FRMPD4: variants seen among roughly 807,000 people sequenced by gnomAD.
FRMPD4 encodes the protein FERM and PDZ domain containing 4.
A neutral mutation model predicts 94.1 loss-of-function variants in FRMPD4; 22 were observed. That is an observed-to-expected ratio of 0.23 (90% CI 0.17 to 0.33). FRMPD4 has a LOEUF of 0.33. Ranked by LOEUF, FRMPD4 falls within the 10% of genes least tolerant of loss-of-function variation. The pLI, the probability that FRMPD4 is intolerant of heterozygous loss-of-function variation, is 1.00. For synonymous variants in FRMPD4, 631 were observed against 548.6 expected (o/e 1.15, Z -2.10); for missense variants, 1,111 against 1,339.9 (o/e 0.83, Z 2.67).
chrX:11,870,917 A>C (rs1007497253), intron 2 of FRMPD4, among the ~76,000 whole-genome samples: 1 of 112,034 alleles, frequency 8.9e-6, no homozygotes, highest in Non-Finnish European at 1.9e-5. Context: ...TGGCCTCCCA[A>C]ATTAACTCTG....
chrX:12,272,607 G>T (rs1436879793), intron 1 of FRMPD4, among the ~76,000 whole-genome samples: 1 of 112,035 alleles, frequency 8.9e-6, no homozygotes, highest in African/African-American at 3.2e-5. Context: ...CTTATAAAGT[G>T]ATCTCAAAAG....
At chrX:12,278,438 C>T (rs2054475448) in intron 1 of FRMPD4, among the ~76,000 whole-genome samples, 1 of 112,194 alleles carries the variant, frequency 8.9e-6, no homozygotes, top group African/African-American at 3.2e-5. Flanking sequence ...ATCACTCATT[C>T]TGTGCACTCA....
At chrX:12,319,006 AGTT>A (rs1322687924) in intron 1 of FRMPD4, among the ~76,000 whole-genome samples, 1 of 111,492 alleles carries the variant, frequency 9.0e-6, no homozygotes. Flanking sequence ...GAAAAATCAG[AGTT>A]GTTTGGGATG....
At chrX:12,205,757 C>T (rs1303064646) in intron 1 of FRMPD4, among the ~76,000 whole-genome samples, 1 of 112,047 alleles carries the variant, frequency 8.9e-6, no homozygotes, top group African/African-American at 3.2e-5. Flanking sequence ...GTTCTGTCTA[C>T]CTCAGCATTA....
At chrX:12,063,325 C>T (rs1400421184) in intron 3 of FRMPD4, among the ~76,000 whole-genome samples, 2 of 111,774 alleles carry the variant, frequency 1.8e-5, no homozygotes, top group Non-Finnish European at 3.8e-5. Flanking sequence ...GCCATGATTG[C>T]ACCACTGCAC....
At chrX:12,226,899 T>C (rs981100730) in intron 1 of FRMPD4, among the ~76,000 whole-genome samples, 3 of 110,208 alleles carry the variant, frequency 2.7e-5, no homozygotes, top group African/African-American at 9.9e-5. Flanking sequence ...TAGAATTTTA[T>C]TCCCTATATC....
intron 3 of FRMPD4, among the ~76,000 whole-genome samples, chrX:12,114,752 T>G (rs2055393456): frequency 8.9e-6 from 1 of 112,633 alleles, no homozygotes; most frequent in Admixed American, 9.4e-5. Context: ...TTATTTCCTT[T>G]TTAACCGTCT....
intron 1 of FRMPD4, among the ~76,000 whole-genome samples, chrX:12,463,679 G>GTTTTTTTT (rs1569286293): frequency 3.0e-5 from 1 of 33,331 alleles, no homozygotes; most frequent in East Asian, 1.2e-3. Flanking sequence ...TCCTATGTGT[G>GTTTTTTTT]TGTTTTTTTT....
At chrX:12,231,779 A>C (rs749180702) in intron 1 of FRMPD4, among the ~76,000 whole-genome samples, 1 of 111,615 alleles carries the variant, frequency 9.0e-6, no homozygotes, top group Non-Finnish European at 1.9e-5. Context: ...CCAATAGATG[A>C]GATTTAAAAA....
chrX:12,150,263 A>G (rs1279537341), intron 1 of FRMPD4, among the ~76,000 whole-genome samples: 1 of 112,239 alleles, frequency 8.9e-6, no homozygotes, highest in East Asian at 2.8e-4. Flanking sequence ...AATACTGATT[A>G]TCACAGGTAT....
intron 3 of FRMPD4, among the ~76,000 whole-genome samples, chrX:12,025,085 T>C (rs1388104322): frequency 2.7e-5 from 3 of 111,336 alleles, no homozygotes; most frequent in Non-Finnish European, 3.8e-5. Flanking sequence ...CTCAAGAGTC[T>C]TGGTTTTTCC....
intron 1 of FRMPD4, among the ~76,000 whole-genome samples, chrX:12,430,994 C>G (rs2057004101): frequency 8.9e-6 from 1 of 112,266 alleles, no homozygotes; most frequent in Non-Finnish European, 1.9e-5. Context: ...GAAATTCAGT[C>G]TTCTCCTTTA....
intron 2 of FRMPD4, among the ~76,000 whole-genome samples, chrX:12,578,848 A>G (rs188931835): frequency 9.9e-4 from 111 of 112,013 alleles, no homozygotes; most frequent in African/African-American, 3.4e-3. Flanking sequence ...GTAGATGTGT[A>G]TCTGTGTCTA....
intron 1 of FRMPD4, among the ~76,000 whole-genome samples, chrX:12,463,795 T>C (rs943755239): frequency 1.6e-4 from 16 of 100,823 alleles, no homozygotes; most frequent in African/African-American, 6.0e-4. Context: ...GTAGGAAAAA[T>C]GAGAAAAGAA....
chrX:12,047,371 C>T (rs959215848), intron 3 of FRMPD4, among the ~76,000 whole-genome samples: 4 of 111,215 alleles, frequency 3.6e-5, no homozygotes, highest in African/African-American at 1.3e-4. Flanking sequence ...TATTTCAGAA[C>T]TTATGATATG....
intron 1 of FRMPD4, among the ~76,000 whole-genome samples, chrX:12,244,465 G>A (rs2053925661): frequency 1.8e-5 from 2 of 111,989 alleles, no homozygotes; most frequent in Admixed American, 9.4e-5. Flanking sequence ...TTAAGGAAGA[G>A]GTTCACTGTG....
chrX:12,257,513 AC>A (rs201867616), intron 1 of FRMPD4, among the ~76,000 whole-genome samples: 2,580 of 110,880 alleles, frequency 0.023, 72 homozygotes, highest in African/African-American at 0.079. Flanking sequence ...ACTTGTTTTG[AC>A]TTTTTTTTTC....
chrX:12,058,806 A>G (rs2054869114), intron 3 of FRMPD4, among the ~76,000 whole-genome samples: 1 of 110,651 alleles, frequency 9.0e-6, no homozygotes, highest in South Asian at 3.9e-4. Flanking sequence ...GTCTGGAGAC[A>G]TTTTTCCTTG....
chrX:11,927,722 C>T (rs901148540), intron 3 of FRMPD4, among the ~76,000 whole-genome samples: 2 of 112,273 alleles, frequency 1.8e-5, no homozygotes, highest in East Asian at 5.5e-4. Flanking sequence ...TTGACCCATT[C>T]CATATACCAT....
Sources: allele counts gnomAD v4.1 joint callset (sites outside exome capture counted in the v4.1 genomes callset), GRCh38; gene constraint gnomAD v4.1.1; transcripts MANE v1.5; gene names NCBI Gene and HGNC (gene_info 2026-07-23, HGNC 2026-07-21).